KLHL4: variants seen among roughly 807,000 people sequenced by gnomAD.
The protein encoded by KLHL4 is kelch-like protein 4.
In KLHL4, 17 loss-of-function variants were observed where a neutral mutation model predicts 45.8. That is an observed-to-expected ratio of 0.37 (90% CI 0.25 to 0.56). The LOEUF is 0.56. Ranked by LOEUF, KLHL4 falls within the 20% of genes least tolerant of loss-of-function variation. The pLI is 0.79. For synonymous variants in KLHL4, 224 were observed against 189.9 expected, an observed-to-expected ratio of 1.18 and a Z score of -1.47; for missense variants, 544 against 544.9, an observed-to-expected ratio of 1.00 and a Z score of 0.02.
intron 9 of KLHL4, among the ~76,000 whole-genome samples, chrX:87,650,202 C>T (rs1362531474): frequency 2.7e-5 from 3 of 110,996 alleles, no homozygotes; most frequent in Non-Finnish European, 5.7e-5. Flanking sequence ...TTCATGTAAT[C>T]CTCCTACCTC....
Position 87,618,097 on chromosome X carries a change from A to C in KLHL4, c.893A>C (p.Glu298Ala). The change falls in exon 4 of 11, where the codon GAA becomes GCA. Residue 298 changes from glutamate to alanine, a missense_variant. Physicochemically the swap from Glu to Ala is moderately radical, Grantham distance 107. Transcript: ENST00000373119. ...TTTGGAGATGCCCAAGGCTGTACAGAACTTCTGAACGTGGCACACAAATAC... is the reference window on the plus strand; with the variant it reads ...TTTGGAGATGCCCAAGGCTGTACAGCACTTCTGAACGTGGCACACAAATAC... ...RSFGDAQGCT[E>A]LLNVAHKYTM... 1 of 1,204,402 alleles carries C rather than the reference A, an allele frequency of 8.3e-7. No homozygotes were observed. The highest frequency in any genetic ancestry group is 1.1e-6 in the Non-Finnish European group (1 of 891,687).
At position 87,666,822 on chromosome X, in the gene KLHL4, T is replaced by C; in HGVS notation, c.*288T>C. On this transcript the variant is annotated 3_prime_UTR_variant, in exon 11 of 11. Transcript: ENST00000373119. ...CATTACTACAAAATGCTAAAATATT[T>C]AATGAAAATTGATGGTGGCCACAGT... 1.2e-6 allele frequency: 1 copy of C among 806,511 alleles called. No individual in the cohort carries two copies. Among genetic ancestry groups the C allele is most frequent in the African/African-American group, 2.2e-5 (1 of 46,004 alleles). 66.5% of individuals were successfully genotyped at this position (806,511 alleles called of 1,213,427 possible).
At chrX:87,641,555 G>C (rs753414947) in intron 9 of KLHL4, among the ~76,000 whole-genome samples, 19 of 111,478 alleles carry the variant, frequency 1.7e-4, no homozygotes, top group African/African-American at 6.2e-4. Context: ...AGAAATCGGG[G>C]GAGGGCACAA....
chrX:87,663,191 T>C (rs1288753414), intron 9 of KLHL4, among the ~76,000 whole-genome samples: 1 of 110,981 alleles, frequency 9.0e-6, no homozygotes, highest in Non-Finnish European at 1.9e-5. Context: ...TCCTAGTTAC[T>C]CTATGTGGGA....
intron 1 of KLHL4, among the ~76,000 whole-genome samples, chrX:87,582,888 G>A (rs749675879): frequency 1.8e-5 from 2 of 111,944 alleles, no homozygotes; most frequent in South Asian, 3.8e-4. Context: ...TGAGTGGGTA[G>A]CCACTGCTGG....
intron 1 of KLHL4, among the ~76,000 whole-genome samples, chrX:87,537,536 A>G (rs1280691340): frequency 9.0e-6 from 1 of 111,014 alleles, no homozygotes; most frequent in Admixed American, 9.7e-5. Context: ...ATGTAGATAC[A>G]CACACATATA....
chrX:87,539,415 A>G (rs6617405), intron 1 of KLHL4, among the ~76,000 whole-genome samples: 25,934 of 109,333 alleles, frequency 0.24, 2,643 homozygotes, highest in East Asian at 0.52. Context: ...AGGTAACTTT[A>G]TTTTTTCTAC....
chrX:87,552,713 A>ATATATCTATATATATATAT (rs1569339892), intron 1 of KLHL4, among the ~76,000 whole-genome samples: 2 of 64,219 alleles, frequency 3.1e-5, no homozygotes, highest in African/African-American at 1.3e-4. Context: ...ATATATATAT[A>ATATATCTATATATATATAT]ACATGGCATT....
At chrX:87,652,081 G>C (rs1261518609) in intron 9 of KLHL4, among the ~76,000 whole-genome samples, 1 of 112,539 alleles carries the variant, frequency 8.9e-6, no homozygotes, top group African/African-American at 3.2e-5. Context: ...CCAGGGCTTG[G>C]GGCTTGCACC....
intron 1 of KLHL4, among the ~76,000 whole-genome samples, chrX:87,599,725 T>C (rs1569350344): frequency 9.0e-6 from 1 of 111,552 alleles, no homozygotes; most frequent in East Asian, 2.8e-4. Context: ...TGTGCTGCTT[T>C]GAATGAGCAT....
At chrX:87,587,873 G>C (rs1921533344) in intron 1 of KLHL4, among the ~76,000 whole-genome samples, 1 of 111,179 alleles carries the variant, frequency 9.0e-6, no homozygotes, top group African/African-American at 3.3e-5. Context: ...ATCCTTTTTT[G>C]TGCATGATAC....
At chrX:87,650,011 T>C (rs1358214228) in intron 9 of KLHL4, among the ~76,000 whole-genome samples, 1 of 111,651 alleles carries the variant, frequency 9.0e-6, no homozygotes, top group South Asian at 3.7e-4. Flanking sequence ...TGAGATTCTA[T>C]ATGGAGTTAG....
At chrX:87,645,478 G>GA (rs903193379) in intron 9 of KLHL4, among the ~76,000 whole-genome samples, 4 of 111,389 alleles carry the variant, frequency 3.6e-5, no homozygotes, top group Non-Finnish European at 7.5e-5. Context: ...TAGCCACTAT[G>GA]AAAAAGAGTT....
chrX:87,630,959 C>T (rs1440973796), intron 6 of KLHL4, among the ~76,000 whole-genome samples: 1 of 111,144 alleles, frequency 9.0e-6, no homozygotes, highest in Admixed American at 9.6e-5. Context: ...GAATAGCTCT[C>T]CGCTACAGAG....
intron 1 of KLHL4, among the ~76,000 whole-genome samples, chrX:87,535,155 T>C (rs951424121): frequency 8.9e-6 from 1 of 111,902 alleles, no homozygotes; most frequent in Non-Finnish European, 1.9e-5. Flanking sequence ...TTCCATTGAA[T>C]TGACCTTATA....
rs778254318 is a variant in KLHL4 at position 87,529,658 on chromosome X, C to G, written c.422+11343C>G. On this transcript the variant is annotated intron_variant, in intron 1 of 10. Transcript: ENST00000373119. ...AGAAAGAAAATGTTTGTTTCCAGAA[C>G]AGTCATGATACTGCAATATTGTGTT... is the stretch of plus-strand genomic sequence containing the variant. Among the ~76,000 whole-genome samples, 71 of 111,290 alleles carry G rather than the reference C, an allele frequency of 6.4e-4. 1 individual carries two copies. The highest frequency in any genetic ancestry group is 2.2e-3 in the African/African-American group (67 of 30,550).
intron 1 of KLHL4, among the ~76,000 whole-genome samples, chrX:87,569,689 A>C (rs1703809020): frequency 8.9e-6 from 1 of 111,736 alleles, no homozygotes; most frequent in African/African-American, 3.2e-5. Flanking sequence ...TAAGCCCTGG[A>C]AACATTATGC....
In KLHL4 at chrX:87,613,954, A is replaced by G; in HGVS notation, c.500A>G (p.Gln167Arg). 8.3e-7 allele frequency: 1 copy of G among 1,206,070 alleles called. No homozygotes were observed. The highest frequency in any genetic ancestry group is 1.1e-6 in the Non-Finnish European group (1 of 890,929). The change falls in exon 2 of 11, where the codon CAA (glutamine) becomes CGA (arginine). Residue 167 changes from glutamine to arginine, a missense_variant. By Grantham distance (43) the Gln-to-Arg change is conservative. Transcript: ENST00000373119. ...EQFHVINHAE[Q>R]TLRKMENYLK... ...TTCCATGTTATAAACCACGCAGAGCAAACTCTTCGTAAAATGGAGAACTAC... is the reference window on the plus strand; with the variant it reads ...TTCCATGTTATAAACCACGCAGAGCGAACTCTTCGTAAAATGGAGAACTAC...
At chrX:87,607,535 T>C (rs1238236045) in intron 1 of KLHL4, among the ~76,000 whole-genome samples, 1 of 111,970 alleles carries the variant, frequency 8.9e-6, no homozygotes, top group Admixed American at 9.5e-5. Flanking sequence ...TCTTCCTTTG[T>C]GCTTTTCTAG....
Sources: gnomAD v4.1 joint callset for allele counts (sites outside exome capture counted in the v4.1 genomes callset) on GRCh38, gnomAD v4.1.1 for gene constraint, MANE v1.5 for transcripts, NCBI Gene and HGNC (gene_info 2026-07-23, HGNC 2026-07-21) for gene names.